SUMF1: variants seen among roughly 807,000 people sequenced by gnomAD.
SUMF1 encodes sulfatase modifying factor 1.
Under a neutral mutation model 47.6 loss-of-function variants are expected in SUMF1, and 48 were observed. The ratio of observed to expected loss-of-function variants is 1.01; its 90% CI spans 0.80 to 1.28. The LOEUF is 1.28. Among genes scored for constraint, SUMF1 ranks in the 50% most tolerant of loss-of-function variants. SUMF1 has a pLI of 0.00. For missense variants in SUMF1, 571 were observed against 485.4 expected (o/e 1.18, Z -1.66); for synonymous variants, 230 against 192.1 (o/e 1.20, Z -1.63).
rs545573748 is a variant in SUMF1 at position 4,458,925 on chromosome 3, T to C, written c.271-5876A>G. Among the ~76,000 whole-genome samples the C allele has an allele frequency of 5.3e-5, 8 of 152,290 alleles. No individual in the cohort carries two copies. The South Asian group carries it at 1.0e-3, about 20-fold the overall frequency. ...GATGAACCTAGTGGACAGTATGCTA[T>C]GTGAAATGAGCCAAGCACAAAATGA... On this transcript the variant is annotated intron_variant, in intron 1 of 8. Transcript: ENST00000272902.
chr3:4,216,974 G>A (rs537118055), intron 8 of SUMF1, among the ~76,000 whole-genome samples: 49 of 152,146 alleles, frequency 3.2e-4, no homozygotes, highest in South Asian at 8.3e-4. Context: ...CAAGGATCTA[G>A]AACCAGAAAT....
intron 8 of SUMF1, among the ~76,000 whole-genome samples, chr3:4,131,089 T>C (rs1179439277): frequency 6.6e-6 from 1 of 152,160 alleles, no homozygotes; most frequent in Admixed American, 6.5e-5. Context: ...TACTGGGCTT[T>C]GATGGAAACT....
intron 8 of SUMF1, among the ~76,000 whole-genome samples, chr3:4,251,765 AC>A (rs1322662335): frequency 6.6e-6 from 1 of 152,190 alleles, no homozygotes; most frequent in Admixed American, 6.5e-5. Context: ...GTTTAGTGTA[AC>A]CACCTTCATC....
intron 8 of SUMF1, among the ~76,000 whole-genome samples, chr3:4,107,623 C>G (rs1693188618): frequency 6.6e-6 from 1 of 152,070 alleles, no homozygotes; most frequent in African/African-American, 2.4e-5. Flanking sequence ...ATCAGCCATT[C>G]AGCCCTCTAG....
chr3:4,201,488 T>G (rs995082985), intron 8 of SUMF1, among the ~76,000 whole-genome samples: 1 of 152,142 alleles, frequency 6.6e-6, no homozygotes, highest in Admixed American at 6.6e-5. Context: ...TTCTTTTCTA[T>G]GGCTGAATAG....
At chr3:4,282,806 G>A (rs1442329138) in intron 8 of SUMF1, among the ~76,000 whole-genome samples, 5 of 152,060 alleles carry the variant, frequency 3.3e-5, no homozygotes, top group Admixed American at 2.0e-4. Flanking sequence ...GACTGCCTTT[G>A]GAGACTTAAT....
intron 8 of SUMF1, among the ~76,000 whole-genome samples, chr3:4,229,675 T>A (rs1010441387): frequency 6.6e-6 from 1 of 151,930 alleles, no homozygotes; most frequent in Admixed American, 6.6e-5. Context: ...AGTCTGAAAA[T>A]CAGAATTTCC....
chr3:4,458,881 T>C (rs1303003305), intron 1 of SUMF1, among the ~76,000 whole-genome samples: 1 of 152,140 alleles, frequency 6.6e-6, no homozygotes, highest in Non-Finnish European at 1.5e-5. Flanking sequence ...AAGAAAACTC[T>C]GTCATTTATG....
intron 8 of SUMF1, among the ~76,000 whole-genome samples, chr3:4,119,182 G>A (rs17039956): frequency 0.029 from 4,459 of 152,164 alleles, 249 homozygotes; most frequent in African/African-American, 0.1. Flanking sequence ...CTAAAAGTCC[G>A]GACTGCTCTC....
At chr3:4,442,882 A>G (rs1007398525) in intron 3 of SUMF1, among the ~76,000 whole-genome samples, 2 of 152,256 alleles carry the variant, frequency 1.3e-5, no homozygotes, top group African/African-American at 4.8e-5. Flanking sequence ...AAATTTCTAT[A>G]AGAAGTAAGA....
intron 8 of SUMF1, among the ~76,000 whole-genome samples, chr3:4,261,238 T>C (rs1287122102): frequency 6.6e-6 from 1 of 152,100 alleles, no homozygotes; most frequent in African/African-American, 2.4e-5. Context: ...GCAGAATAAA[T>C]AACATGCAGA....
At chr3:4,231,317 C>T (rs1362729706) in intron 8 of SUMF1, among the ~76,000 whole-genome samples, 1 of 152,132 alleles carries the variant, frequency 6.6e-6, no homozygotes, top group African/African-American at 2.4e-5. Flanking sequence ...GATCATTGTA[C>T]ATAAATGATT....
At chr3:4,145,397 T>C (rs972864964) in intron 8 of SUMF1, among the ~76,000 whole-genome samples, 4 of 152,024 alleles carry the variant, frequency 2.6e-5, no homozygotes, top group African/African-American at 7.2e-5. Flanking sequence ...AGAGACCCCA[T>C]TACTTTGTGG....
At chr3:4,208,465 A>G (rs985145886) in intron 8 of SUMF1, among the ~76,000 whole-genome samples, 5 of 93,090 alleles carry the variant, frequency 5.4e-5, no homozygotes, top group Non-Finnish European at 1.1e-4. Context: ...GACATTCTAG[A>G]AGGCAAAAAA....
At chr3:4,152,702 C>T (rs982669400) in intron 8 of SUMF1, among the ~76,000 whole-genome samples, 1 of 151,528 alleles carries the variant, frequency 6.6e-6, no homozygotes, top group Non-Finnish European at 1.5e-5. Context: ...ACTGTCTACA[C>T]TTGGCTAGAC....
intron 9 of SUMF1, among the ~76,000 whole-genome samples, chr3:4,050,033 C>A (rs114118305): frequency 3.3e-5 from 5 of 151,978 alleles, no homozygotes. Context: ...CTCTCTCCCA[C>A]GCCATTCTGC....
chr3:4,138,912 T>A (rs1454333089), intron 8 of SUMF1, among the ~76,000 whole-genome samples: 2 of 152,046 alleles, frequency 1.3e-5, no homozygotes, highest in African/African-American at 4.8e-5. Flanking sequence ...TACCCATATT[T>A]TTTCTGTATG....
intron 9 of SUMF1, among the ~76,000 whole-genome samples, chr3:4,036,500 C>T (rs1045623131): frequency 6.6e-6 from 1 of 151,972 alleles, no homozygotes; most frequent in African/African-American, 2.4e-5. Flanking sequence ...TTGGGGAAGA[C>T]CTGCATGAGG....
At chr3:4,228,469 GT>G (rs1696221855) in intron 8 of SUMF1, among the ~76,000 whole-genome samples, 1 of 152,040 alleles carries the variant, frequency 6.6e-6, no homozygotes, top group Non-Finnish European at 1.5e-5. Context: ...CAATAACTAA[GT>G]TTATGGAAAG....
Sources: gnomAD v4.1 joint callset for allele counts (sites outside exome capture counted in the v4.1 genomes callset) on GRCh38, gnomAD v4.1.1 for gene constraint, MANE v1.5 for transcripts, NCBI Gene and HGNC (gene_info 2026-07-23, HGNC 2026-07-21) for gene names.